The following CYP3A7 variants were observed in gnomAD, a reference collection of about 807,000 sequenced individuals.
The protein encoded by CYP3A7 is cytochrome P450 family 3 subfamily A member 7, also known as cytochrome P450 3A7.
CYP3A7 carries 45 observed loss-of-function variants against 55.2 expected under a neutral mutation model. That is an observed-to-expected ratio of 0.82 (90% CI 0.64 to 1.05). The LOEUF is 1.05. CYP3A7 is among the 50% of genes least tolerant of loss of function. The probability of loss-of-function intolerance (pLI) is 0.00; values close to 1 mark genes in which losing one functional copy is unlikely to be tolerated. For synonymous variants in CYP3A7, 180 were observed against 207.4 expected, an observed-to-expected ratio of 0.87 and a Z score of 1.13; for missense variants, 548 against 605.3, an observed-to-expected ratio of 0.91 and a Z score of 0.99.
intron 12 of CYP3A7, among the ~76,000 whole-genome samples, chr7:99,706,293 C>T (rs1399853890): frequency 1.3e-5 from 2 of 152,108 alleles, no homozygotes; most frequent in Non-Finnish European, 2.9e-5. Context: ...AGAAAATTGC[C>T]ATGGAGATCC....
At chr7:99,724,707 G>A (rs1814341011) in intron 2 of CYP3A7, among the ~76,000 whole-genome samples, 1 of 151,928 alleles carries the variant, frequency 6.6e-6, no homozygotes, top group African/African-American at 2.4e-5. Flanking sequence ...TCCTCCACCT[G>A]CCCAACAATT....
chr7:99,714,061 T>A (rs1387954567), intron 8 of CYP3A7, among the ~76,000 whole-genome samples: 2 of 152,176 alleles, frequency 1.3e-5, no homozygotes, highest in Non-Finnish European at 2.9e-5. Context: ...AGAGAAGACC[T>A]CTGTTCACTC....
chr7:99,711,491 G>T (rs1486074739), intron 9 of CYP3A7, among the ~76,000 whole-genome samples: 2 of 152,174 alleles, frequency 1.3e-5, no homozygotes, highest in African/African-American at 4.8e-5. Flanking sequence ...TGCAAAGGCT[G>T]GGCATGGTGG....
chr7:99,706,971 T>C (rs766826551), intron 12 of CYP3A7, among the ~76,000 whole-genome samples: 1 of 152,244 alleles, frequency 6.6e-6, no homozygotes, highest in African/African-American at 2.4e-5. Context: ...ACTCAATGAT[T>C]TAATGGCAAA....
intron 3 of CYP3A7, among the ~76,000 whole-genome samples, chr7:99,721,767 C>T (rs1584517373): frequency 6.6e-6 from 1 of 151,978 alleles, no homozygotes; most frequent in Non-Finnish European, 1.5e-5. Flanking sequence ...GTCAGTGTGT[C>T]TGTGTGCCTA....
Position 99,713,460 on chromosome 7 carries a change from T to G in CYP3A7, c.865+9A>C. The G allele has an allele frequency of 6.2e-7, 1 of 1,613,378 alleles. No homozygotes were observed. The highest frequency in any genetic ancestry group is 1.7e-4 in the Middle Eastern group (1 of 6,056). On this transcript the variant is annotated intron_variant, in intron 9 of 12. Coordinates refer to ENST00000336374, the MANE Select transcript of CYP3A7 (RefSeq NM_000765.5). ...CCACCAGTAGCCCTCAGAAGCACTC[T>G]TTTGTTACCTTTGTGGGTCTCAGAG... is the stretch of plus-strand genomic sequence containing the variant.
At chr7:99,722,087 T>G (rs746415146) in intron 3 of CYP3A7, among the ~76,000 whole-genome samples, 3 of 152,228 alleles carry the variant, frequency 2.0e-5, no homozygotes, top group Non-Finnish European at 4.4e-5. Context: ...CTCCCTGAAT[T>G]TGCACATAGC....
intron 11 of CYP3A7, 126 bp downstream of exon 11, chr7:99,708,909 G>T (rs1234537022): frequency 2.6e-6 from 3 of 1,154,540 alleles, no homozygotes; most frequent in Non-Finnish European, 3.8e-6. Context: ...TTCATGATTT[G>T]AAAAAACCTT....
chr7:99,715,587 T>C (rs1435742697), intron 7 of CYP3A7, 171 bp downstream of exon 7: 2 of 1,188,840 alleles, frequency 1.7e-6, no homozygotes, highest in Non-Finnish European at 2.4e-6. Flanking sequence ...GTTTCTAGAA[T>C]GACAGAAGTG....
chr7:99,726,251 G>T (rs1814407412), intron 2 of CYP3A7, among the ~76,000 whole-genome samples: 2 of 151,936 alleles, frequency 1.3e-5, no homozygotes, highest in Admixed American at 1.3e-4. Context: ...CCAGCTTAAC[G>T]CCAGTATCCC....
At position 99,713,269 on chromosome 7, in the gene CYP3A7, C is replaced by G. The variant is rs552685473; in HGVS notation, c.865+200G>C. On this transcript the variant is annotated intron_variant, in intron 9 of 12. Coordinates refer to ENST00000336374, the MANE Select transcript of CYP3A7 (RefSeq NM_000765.5). ...GCATGCCAGTTTTCCTTAGGGTTGC[C>G]CTTTAAGCTTAGAACATGGCTATCT... 2.0e-5 allele frequency among the ~76,000 whole-genome samples: 3 copies of G among 152,212 alleles called. No individual in the cohort carries two copies. In the South Asian group the frequency reaches 6.2e-4, roughly 32 times the overall value.
chr7:99,717,592 C>G lies in CYP3A7; in HGVS notation c.366G>C (p.Glu122Asp). Residue 122 changes from glutamate to aspartate, a missense_variant, in exon 5 of 13, where the codon GAG becomes GAC. Glu to Asp is a conservative substitution (Grantham distance 45). Transcript: ENST00000336374. Reference sequence around the variant, plus strand: ...ATCGTATTCTCTTCCATTCTTCATCCTCAGCTATAGAGATGGCATTTTTCA... The same window carrying G: ...ATCGTATTCTCTTCCATTCTTCATCGTCAGCTATAGAGATGGCATTTTTCA... ...GFMKNAISIAEDEEWKRIRSL... is the reference protein window; with the variant it reads ...GFMKNAISIADDEEWKRIRSL... The G allele has an allele frequency of 6.2e-7, 1 of 1,613,696 alleles. No homozygotes were observed. Among genetic ancestry groups the G allele is most frequent in the Non-Finnish European group, 8.5e-7 (1 of 1,179,786 alleles).
Position 99,707,812 on chromosome 7 carries a change from C to T in CYP3A7, c.1416G>A (p.Gln472=), listed in dbSNP as rs1401204402. ...NFSFKPCKET[Q]IPLKLRFGGL... is the part of the protein sequence containing the mutation. ...TTATTAATGCAGAAAATTGACTGAC[C>T]TGTGTTTCTTTACAAGGTTTGAAGG... Residue 472 remains glutamine, a splice_region_variant and synonymous_variant, in exon 12 of 13, where the codon CAG becomes CAA. Coordinates refer to ENST00000336374, the MANE Select transcript of CYP3A7 (RefSeq NM_000765.5). The T allele has an allele frequency of 1.2e-6, 2 of 1,613,636 alleles. No individual in the cohort carries two copies. Among genetic ancestry groups the T allele is most frequent in the Admixed American group, 1.7e-5 (1 of 59,986 alleles).
chr7:99,720,194 A>C (rs927293900), intron 4 of CYP3A7, 119 bp downstream of exon 4: 11 of 1,235,710 alleles, frequency 8.9e-6, no homozygotes, highest in Non-Finnish European at 1.3e-5. Flanking sequence ...GGGCAGGATG[A>C]AGTGTACATG....
intron 6 of CYP3A7, 98 bp downstream of exon 6, chr7:99,717,079 G>A (rs1813981016): frequency 1.3e-6 from 2 of 1,504,726 alleles, no homozygotes; most frequent in Admixed American, 3.4e-5. Flanking sequence ...CTTTTGTCTG[G>A]TCACTGGAAT....
At position 99,714,576 on chromosome 7, in the gene CYP3A7, A is replaced by G. The variant is rs760591010; in HGVS notation, c.777T>C (p.Gly259=). 7.4e-6 allele frequency: 12 copies of G among 1,612,998 alleles called. No individual in the cohort carries two copies. In the Admixed American group the frequency reaches 1.8e-4, roughly 25 times the overall value. The change falls in exon 8 of 13, where the codon GGT becomes GGC. Residue 259 remains glycine, a synonymous_variant. Coordinates refer to ENST00000336374, the MANE Select transcript of CYP3A7 (RefSeq NM_000765.5). ...TTACCTTTTGTGTCTCTTTGAGGCGACCTTCTTTTATCTGTTTTACAGATT... is the reference window on the plus strand; with the variant it reads ...TTACCTTTTGTGTCTCTTTGAGGCGGCCTTCTTTTATCTGTTTTACAGATT... ...LTKSVKQIKE[G]RLKETQKHRV...
intron 4 of CYP3A7, among the ~76,000 whole-genome samples, chr7:99,719,996 G>GAAAAACA (rs150074829): frequency 0.057 from 8,600 of 151,918 alleles, 480 homozygotes; most frequent in East Asian, 0.24. Flanking sequence ...GACTCAGTCC[G>GAAAAACA]AAAAACAAAC....
rs1461613116 is a variant in CYP3A7, at chr7:99,707,793, A to G, written c.1416+19T>C. 1 of 1,613,570 alleles carries G rather than the reference A, an allele frequency of 6.2e-7. No individual in the cohort carries two copies. Among genetic ancestry groups the G allele is most frequent in the Non-Finnish European group, 8.5e-7 (1 of 1,179,712 alleles). ...AATAATTGTTAATAAAACATTATTA[A>G]TGCAGAAAATTGACTGACCTGTGTT... On this transcript the variant is annotated intron_variant, in intron 12 of 12. Transcript: ENST00000336374.
At chr7:99,712,629 A>C (rs549694222) in intron 9 of CYP3A7, among the ~76,000 whole-genome samples, 81 of 152,324 alleles carry the variant, frequency 5.3e-4, no homozygotes, top group African/African-American at 1.9e-3. Context: ...TAAGTAGATA[A>C]ATAGATGATT....
Sources: allele counts gnomAD v4.1 joint callset (sites outside exome capture counted in the v4.1 genomes callset), GRCh38; gene constraint gnomAD v4.1.1; transcripts MANE v1.5; gene names NCBI Gene and HGNC (gene_info 2026-07-23, HGNC 2026-07-21).